HHLA2: variants seen among roughly 807,000 people sequenced by gnomAD.
The protein encoded by HHLA2 is HHLA2 member of B7 family.
HHLA2 carries 48 observed loss-of-function variants against 45.9 expected under a neutral mutation model. The observed-to-expected ratio is 1.05, with a 90% CI of 0.83 to 1.33. The LOEUF (loss-of-function observed/expected upper bound fraction) is 1.33. HHLA2 is among the 40% of genes most tolerant of loss of function. HHLA2 has a pLI of 0.00. For missense variants in HHLA2, 462 were observed against 494.3 expected (o/e 0.93, Z 0.62); for synonymous variants, 161 against 173.9 (o/e 0.93, Z 0.59).
chr3:108,343,380 A>C (rs1386118594), intron 3 of HHLA2, among the ~76,000 whole-genome samples: 1 of 152,236 alleles, frequency 6.6e-6, no homozygotes, highest in African/African-American at 2.4e-5. Flanking sequence ...ACTGAACTGC[A>C]TACATAGAAC....
chr3:108,314,177 G>A (rs1014543050), intron 2 of HHLA2, among the ~76,000 whole-genome samples: 1 of 151,796 alleles, frequency 6.6e-6, no homozygotes, highest in South Asian at 2.1e-4. Flanking sequence ...GCAATCTGTT[G>A]TACTAAGATT....
chr3:108,363,081 C>CA (rs2082007214), intron 8 of HHLA2, among the ~76,000 whole-genome samples: 2 of 151,912 alleles, frequency 1.3e-5, no homozygotes, highest in South Asian at 2.1e-4. Flanking sequence ...AAATTTTAGG[C>CA]AAAAAATCTT....
chr3:108,312,368 C>G (rs1406358937), intron 2 of HHLA2, among the ~76,000 whole-genome samples: 1 of 152,216 alleles, frequency 6.6e-6, no homozygotes, highest in East Asian at 1.9e-4. Flanking sequence ...CTGGACCTTG[C>G]AGACTACTAG....
At chr3:108,348,110 C>A (rs572235842) in intron 3 of HHLA2, among the ~76,000 whole-genome samples, 1 of 152,032 alleles carries the variant, frequency 6.6e-6, no homozygotes, top group African/African-American at 2.4e-5. Flanking sequence ...GTGAGATGAA[C>A]TCGCCTAAGG....
intron 3 of HHLA2, among the ~76,000 whole-genome samples, chr3:108,333,491 A>T (rs1241791394): frequency 2.0e-5 from 3 of 151,852 alleles, no homozygotes; most frequent in Non-Finnish European, 4.4e-5. Context: ...GTACTAAAAA[A>T]TTATTAGTTT....
intron 3 of HHLA2, among the ~76,000 whole-genome samples, chr3:108,347,149 A>G (rs762698032): frequency 3.9e-5 from 6 of 152,200 alleles, no homozygotes; most frequent in Non-Finnish European, 8.8e-5. Context: ...ATAAGTGTCT[A>G]AAAATAAAAC....
intron 3 of HHLA2, among the ~76,000 whole-genome samples, chr3:108,339,019 A>G (rs2081521230): frequency 6.6e-6 from 1 of 152,210 alleles, no homozygotes; most frequent in African/African-American, 2.4e-5. Flanking sequence ...GACACTTTTG[A>G]AAGTAAAAGA....
intron 2 of HHLA2, among the ~76,000 whole-genome samples, chr3:108,317,779 T>C (rs1268378925): frequency 6.6e-6 from 1 of 152,024 alleles, no homozygotes; most frequent in Non-Finnish European, 1.5e-5. Flanking sequence ...TTCACCATGT[T>C]GGTCAGGCTG....
In HHLA2 at chr3:108,312,938, T is replaced by TA. The variant is rs1299437104; in HGVS notation, c.-105+2204dup. Among the ~76,000 whole-genome samples the TA allele has an allele frequency of 3.4e-5, 5 of 148,016 alleles. No individual in the cohort carries two copies. In the East Asian group the frequency reaches 8.2e-4, roughly 24 times the overall value. On this transcript the variant is annotated intron_variant, in intron 2 of 10. Transcript: ENST00000619531. ...AGCTTCAATGTAGTGATGATGAAAC[T>TA]AAAAAAACACAACAGCTGAACATTC...
chr3:108,341,204 C>T (rs951370457), intron 3 of HHLA2, among the ~76,000 whole-genome samples: 2 of 152,056 alleles, frequency 1.3e-5, no homozygotes, highest in African/African-American at 2.4e-5. Flanking sequence ...CCGCCCGCCT[C>T]GGCCTCCCAA....
chr3:108,353,985 T>C (rs2081838395), intron 5 of HHLA2, among the ~76,000 whole-genome samples: 1 of 152,198 alleles, frequency 6.6e-6, no homozygotes, highest in Non-Finnish European at 1.5e-5. Flanking sequence ...GCATTTCCAG[T>C]GTTTTACATT....
chr3:108,354,465 A>T (rs915858839), intron 5 of HHLA2, among the ~76,000 whole-genome samples: 1 of 152,024 alleles, frequency 6.6e-6, no homozygotes, highest in Admixed American at 6.6e-5. Flanking sequence ...GAAGAAATTC[A>T]AAGAGCTTCA....
At chr3:108,357,544 G>T (rs918735104) in intron 6 of HHLA2, among the ~76,000 whole-genome samples, 2 of 151,912 alleles carry the variant, frequency 1.3e-5, no homozygotes, top group African/African-American at 4.8e-5. Flanking sequence ...GTAACTGGTA[G>T]CAACATTCCT....
chr3:108,363,272 T>C (rs2082009643), intron 8 of HHLA2, among the ~76,000 whole-genome samples: 1 of 152,122 alleles, frequency 6.6e-6, no homozygotes, highest in Non-Finnish European at 1.5e-5. Flanking sequence ...GAAGTTAGCT[T>C]AAGTGCCAAG....
At chr3:108,319,258 G>C (rs2081156597) in intron 2 of HHLA2, among the ~76,000 whole-genome samples, 1 of 151,954 alleles carries the variant, frequency 6.6e-6, no homozygotes, top group African/African-American at 2.4e-5. Context: ...CTTAAAGAAG[G>C]AAAATAGAGT....
At chr3:108,302,027 G>A (rs551401223) in intron 1 of HHLA2, among the ~76,000 whole-genome samples, 3 of 152,138 alleles carry the variant, frequency 2.0e-5, no homozygotes, top group South Asian at 4.2e-4. Context: ...CTATAGTTTA[G>A]GAAATAAGAC....
At chr3:108,372,561 C>A (rs1333939848) in intron 8 of HHLA2, among the ~76,000 whole-genome samples, 2 of 151,094 alleles carry the variant, frequency 1.3e-5, no homozygotes, top group South Asian at 4.2e-4. Context: ...AAAAGATCAA[C>A]AAAATTGATA....
At chr3:108,306,981 A>G (rs1245064563) in intron 1 of HHLA2, among the ~76,000 whole-genome samples, 2 of 151,918 alleles carry the variant, frequency 1.3e-5, no homozygotes, top group Non-Finnish European at 2.9e-5. Flanking sequence ...TCAGGCTCCC[A>G]AGTATCTGGG....
chr3:108,309,693 G>GATAC (rs777287499), intron 1 of HHLA2, among the ~76,000 whole-genome samples: 6 of 152,012 alleles, frequency 3.9e-5, no homozygotes, highest in Non-Finnish European at 7.4e-5. Context: ...CACATGTAGG[G>GATAC]ATACATAATA....
Sources: gnomAD v4.1 joint callset for allele counts (sites outside exome capture counted in the v4.1 genomes callset) on GRCh38, gnomAD v4.1.1 for gene constraint, MANE v1.5 for transcripts, NCBI Gene and HGNC (gene_info 2026-07-23, HGNC 2026-07-21) for gene names.